Variants in CLCA2 observed in about 807,000 individuals in gnomAD.
The protein encoded by CLCA2 is chloride channel accessory 2.
In CLCA2, 85 loss-of-function variants were observed where a neutral mutation model predicts 82.9. The ratio of observed to expected loss-of-function variants is 1.03; its 90% CI spans 0.86 to 1.23. CLCA2 has a LOEUF of 1.23. CLCA2 is among the 50% of genes most tolerant of loss of function. CLCA2 has a pLI of 0.00. For synonymous variants in CLCA2, 421 were observed against 391.7 expected (o/e 1.07, Z -0.88); for missense variants, 1,089 against 1,124.8 (o/e 0.97, Z 0.45).
intron 4 of CLCA2, among the ~76,000 whole-genome samples, chr1:86,432,106 T>C (rs1662512490): frequency 6.6e-6 from 1 of 152,120 alleles, no homozygotes; most frequent in African/African-American, 2.4e-5. Flanking sequence ...TGGCTAATTT[T>C]TGTATTTTTA....
intron 9 of CLCA2, 102 bp downstream of exon 9, chr1:86,441,645 T>A: frequency 1.4e-6 from 1 of 739,622 alleles, no homozygotes; most frequent in Non-Finnish European, 2.3e-6. Context: ...TAACCTTACT[T>A]GAATATGTAA....
At chr1:86,433,615 A>G (rs191806456) in intron 5 of CLCA2, among the ~76,000 whole-genome samples, 1 of 152,364 alleles carries the variant, frequency 6.6e-6, no homozygotes, top group Non-Finnish European at 1.5e-5. Flanking sequence ...GAAAAGTTTT[A>G]CAATCCCATA....
rs749048932 is a variant in CLCA2 at position 86,440,290 on chromosome 1, C to A, written c.1346C>A (p.Ala449Glu). 3.1e-6 allele frequency: 5 copies of A among 1,614,030 alleles called. No homozygotes were observed. The highest frequency in any genetic ancestry group is 2.2e-5 in the South Asian group (2 of 91,030). The change falls in exon 8 of 14, where the codon GCA becomes GAA. Residue 449 changes from alanine to glutamate, a missense_variant. Transcript: ENST00000370565. ...CACTCCATTGCCCTGGGTTCATCTG[C>A]AGCCCCAAATCTGGAGGAATTATCA... Reference protein sequence around the residue: ...TIHSIALGSSAAPNLEELSRL... With the variant: ...TIHSIALGSSEAPNLEELSRL...
At chr1:86,433,358 C>T (rs959179507) in intron 5 of CLCA2, among the ~76,000 whole-genome samples, 5 of 152,186 alleles carry the variant, frequency 3.3e-5, no homozygotes, top group Non-Finnish European at 7.3e-5. Context: ...GGAGTTTTCT[C>T]TTTGTGTCCA....
chr1:86,442,633 G>A (rs1662758209), intron 9 of CLCA2, among the ~76,000 whole-genome samples: 1 of 152,148 alleles, frequency 6.6e-6, no homozygotes, highest in African/African-American at 2.4e-5. Context: ...CAATGTCTTT[G>A]CTGTTATCCA....
chr1:86,447,890 T>A (rs1662888552), intron 11 of CLCA2, 112 bp downstream of exon 11: 1 of 1,116,218 alleles, frequency 9.0e-7, no homozygotes, highest in Non-Finnish European at 1.2e-6. Flanking sequence ...AATTTTTTTT[T>A]AATCTTACAA....
At chr1:86,436,684 A>C (rs1662615492) in intron 6 of CLCA2, among the ~76,000 whole-genome samples, 1 of 152,074 alleles carries the variant, frequency 6.6e-6, no homozygotes, top group Non-Finnish European at 1.5e-5. Context: ...GCATACCTGC[A>C]GTTGACTAGG....
Position 86,443,838 on chromosome 1 carries a change from G to A in CLCA2, c.1540G>A (p.Val514Met). 1 of 1,614,038 alleles carries A rather than the reference G, an allele frequency of 6.2e-7. No individual in the cohort carries two copies. Among genetic ancestry groups the A allele is most frequent in the Non-Finnish European group, 8.5e-7 (1 of 1,179,954 alleles). Residue 514 changes from valine (V) to methionine (M), a missense_variant, in exon 10 of 14, where the codon GTG becomes ATG. Physicochemically the swap from Val to Met is conservative, Grantham distance 21. Transcript: ENST00000370565. ...ACCTCACCATCAATTGAAAAACACA[G>A]TGACTGTGGATAATACTGTGGGCAA... Reference protein sequence around the residue: ...VKPHHQLKNTVTVDNTVGNDT... With the variant: ...VKPHHQLKNTMTVDNTVGNDT...
chr1:86,434,076 G>C lies in CLCA2; in HGVS notation c.745-442G>C, dbSNP rs183855782. 2.6e-4 allele frequency among the ~76,000 whole-genome samples: 39 copies of C among 152,204 alleles called. No individual in the cohort carries two copies. In the East Asian group the frequency reaches 7.3e-3, roughly 29 times the overall value. ...TTTACAGAGATCAATATTTGAGGTA[G>C]AAAAATATATGTTGACTGATCAACA... On this transcript the variant is annotated intron_variant, in intron 5 of 13. Transcript: ENST00000370565.
chr1:86,428,731 T>G (rs548989146), intron 3 of CLCA2, among the ~76,000 whole-genome samples, 163 bp downstream of exon 3: 2 of 152,268 alleles, frequency 1.3e-5, no homozygotes, highest in East Asian at 3.9e-4. Context: ...GGGGCTAAAG[T>G]GAACTCGAAA....
rs537598837 is a variant in CLCA2 at position 86,428,698 on chromosome 1, G to A, written c.475+130G>A. ...ACTTACCACTCAAAGGGGGAGATAG[G>A]TCATATGCCCATGCAAAGATGAGGG... is the stretch of plus-strand genomic sequence containing the variant. On this transcript the variant is annotated intron_variant, in intron 3 of 13. Coordinates refer to ENST00000370565, the MANE Select transcript of CLCA2 (RefSeq NM_006536.7). 6 of 957,008 alleles carry A rather than the reference G, an allele frequency of 6.3e-6. No homozygotes were observed. In the East Asian group the frequency reaches 1.3e-4, roughly 22 times the overall value. The allele number at this position is 957,008 out of a possible 1,614,324, so 59.3% of individuals were successfully genotyped here. A position where few individuals can be genotyped will look rare whatever the true frequency, so the allele number is the denominator to read the frequency against.
At chr1:86,431,073 T>A in intron 4 of CLCA2, 103 bp downstream of exon 4, 1 of 763,898 alleles carries the variant, frequency 1.3e-6, no homozygotes, top group Non-Finnish European at 2.1e-6. Context: ...ATTAATTTAA[T>A]TGCAGCTAAA....
intron 2 of CLCA2, among the ~76,000 whole-genome samples, chr1:86,426,090 C>T (rs1426745432): frequency 6.6e-6 from 1 of 151,988 alleles, no homozygotes; most frequent in Non-Finnish European, 1.5e-5. Context: ...TCATAAGTTG[C>T]AGATCATGAT....
rs763300782 is a variant in CLCA2 at position 86,440,334 on chromosome 1, C to T, written c.1381+9C>T. The T allele has an allele frequency of 1.2e-6, 2 of 1,608,756 alleles. No homozygotes were observed. The highest frequency in any genetic ancestry group is 1.1e-5 in the South Asian group (1 of 90,096). On this transcript the variant is annotated intron_variant, in intron 8 of 13. Transcript: ENST00000370565. ...ATTATCACGTCTTACAGGTAATAAA[C>T]TTTTAAAAACTTATCTTTTGGAGCA...
At chr1:86,433,538 C>T (rs962343402) in intron 5 of CLCA2, among the ~76,000 whole-genome samples, 1 of 152,108 alleles carries the variant, frequency 6.6e-6, no homozygotes, top group African/African-American at 2.4e-5. Context: ...GCATTCGATC[C>T]ACATTATTTA....
intron 6 of CLCA2, among the ~76,000 whole-genome samples, chr1:86,435,263 C>T (rs1469746507): frequency 6.6e-6 from 1 of 152,144 alleles, no homozygotes; most frequent in Non-Finnish European, 1.5e-5. Flanking sequence ...CAGATAATTT[C>T]TAACCCTTAT....
At chr1:86,434,384 G>T (rs1480425719) in intron 5 of CLCA2, 134 bp from the exon 6 acceptor site, 6 of 667,234 alleles carry the variant, frequency 9.0e-6, no homozygotes, top group African/African-American at 1.8e-5. Flanking sequence ...AAGGAAAGAG[G>T]TATATCACTG....
intron 3 of CLCA2, 56 bp from the exon 4 acceptor site, chr1:86,430,806 C>T: frequency 7.7e-7 from 1 of 1,293,240 alleles, no homozygotes; most frequent in South Asian, 1.2e-5. Context: ...CACTAGTTAG[C>T]AAGGCACATT....
At chr1:86,433,885 G>A (rs1203957081) in intron 5 of CLCA2, among the ~76,000 whole-genome samples, 1 of 152,160 alleles carries the variant, frequency 6.6e-6, no homozygotes, top group African/African-American at 2.4e-5. Flanking sequence ...AGATGGTGAT[G>A]CATTACTTAG....
Sources: allele counts gnomAD v4.1 joint callset (sites outside exome capture counted in the v4.1 genomes callset), GRCh38; gene constraint gnomAD v4.1.1; transcripts MANE v1.5; gene names NCBI Gene and HGNC (gene_info 2026-07-23, HGNC 2026-07-21).